The following NALF1 variants were observed in gnomAD, a reference collection of about 807,000 sequenced individuals.
NALF1 encodes NALCN channel auxiliary factor 1.
NALF1 carries 3 observed loss-of-function variants against 48.4 expected under a neutral mutation model. That is an observed-to-expected ratio of 0.06 (90% CI 0.03 to 0.16). The LOEUF is 0.16. NALF1 is among the 10% of genes least tolerant of loss of function. NALF1 has a pLI of 1.00. For missense variants in NALF1, 526 were observed against 571.5 expected, an observed-to-expected ratio of 0.92 and a Z score of 0.81; for synonymous variants, 262 against 245.7, an observed-to-expected ratio of 1.07 and a Z score of -0.62.
At chr13:107,353,595 A>T (rs911478416) in intron 1 of NALF1, among the ~76,000 whole-genome samples, 36 of 152,354 alleles carry the variant, frequency 2.4e-4, no homozygotes, top group Middle Eastern at 6.8e-3. Flanking sequence ...AGAATTCAGA[A>T]GTTCATACTA....
chr13:107,235,531 C>T (rs147933427), intron 1 of NALF1, among the ~76,000 whole-genome samples: 1 of 152,282 alleles, frequency 6.6e-6, no homozygotes, highest in East Asian at 1.9e-4. Flanking sequence ...TACTTTAAAT[C>T]ACCTCTGAAT....
At chr13:107,861,044 G>C (rs1040984051) in intron 1 of NALF1, among the ~76,000 whole-genome samples, 2 of 152,134 alleles carry the variant, frequency 1.3e-5, no homozygotes, top group Non-Finnish European at 2.9e-5. Flanking sequence ...CATGGTCTGT[G>C]AGAAAACAAA....
intron 1 of NALF1, among the ~76,000 whole-genome samples, chr13:107,276,090 C>G (rs535815747): frequency 6.6e-6 from 1 of 152,242 alleles, no homozygotes; most frequent in Non-Finnish European, 1.5e-5. Context: ...CTGTTACTCT[C>G]CTAAGCTCAC....
chr13:107,828,259 A>G (rs1879581512), intron 1 of NALF1, among the ~76,000 whole-genome samples: 1 of 152,114 alleles, frequency 6.6e-6, no homozygotes, highest in Admixed American at 6.6e-5. Context: ...AATTTTTGTT[A>G]TTGTTATCTG....
At chr13:107,520,130 C>A (rs1876188816) in intron 1 of NALF1, among the ~76,000 whole-genome samples, 1 of 152,074 alleles carries the variant, frequency 6.6e-6, no homozygotes, top group Non-Finnish European at 1.5e-5. Context: ...TTCATTTGTA[C>A]TAGCTCAAGT....
chr13:107,229,681 A>G (rs764212671), intron 1 of NALF1, among the ~76,000 whole-genome samples: 5 of 152,136 alleles, frequency 3.3e-5, no homozygotes, highest in African/African-American at 4.8e-5. Flanking sequence ...TGTTAAATCA[A>G]TTCCCCTCTC....
intron 1 of NALF1, among the ~76,000 whole-genome samples, chr13:107,775,132 C>T (rs1263725148): frequency 1.3e-5 from 2 of 151,948 alleles, no homozygotes; most frequent in Non-Finnish European, 2.9e-5. Flanking sequence ...GTATAAATGT[C>T]CCATGCTGGT....
chr13:107,628,279 C>A (rs899762607), intron 1 of NALF1, among the ~76,000 whole-genome samples: 1 of 152,084 alleles, frequency 6.6e-6, no homozygotes, highest in Non-Finnish European at 1.5e-5. Context: ...ATGGCACTTC[C>A]GACTGCCTCA....
intron 1 of NALF1, among the ~76,000 whole-genome samples, chr13:107,709,899 G>A (rs924252099): frequency 5.9e-5 from 9 of 152,106 alleles, no homozygotes; most frequent in Non-Finnish European, 1.2e-4. Flanking sequence ...CTCAAATATA[G>A]AATATTTCTA....
intron 1 of NALF1, among the ~76,000 whole-genome samples, chr13:107,227,161 G>A (rs1206358990): frequency 6.6e-6 from 1 of 152,146 alleles, no homozygotes; most frequent in Non-Finnish European, 1.5e-5. Flanking sequence ...TCTAAAACCT[G>A]CCATTCTGTT....
chr13:107,417,472 A>G (rs9514680), intron 1 of NALF1, among the ~76,000 whole-genome samples: 33,083 of 152,164 alleles, frequency 0.22, 4,085 homozygotes, highest in Middle Eastern at 0.28. Flanking sequence ...ACATTTCATT[A>G]TATCAAAATT....
chr13:107,201,275 G>A (rs1290061991), intron 2 of NALF1, among the ~76,000 whole-genome samples: 1 of 152,160 alleles, frequency 6.6e-6, no homozygotes, highest in African/African-American at 2.4e-5. Context: ...GAGATCAGAA[G>A]GAAGTTTCTC....
chr13:107,270,519 G>A (rs1199178104), intron 1 of NALF1, among the ~76,000 whole-genome samples: 1 of 151,964 alleles, frequency 6.6e-6, no homozygotes, highest in African/African-American at 2.4e-5. Context: ...GATGTTAGGT[G>A]TGATTTTCAG....
chr13:107,607,598 A>G lies in NALF1; in HGVS notation c.915+258084T>C, dbSNP rs1879107254. On this transcript the variant is annotated intron_variant, in intron 1 of 2. Coordinates refer to ENST00000375915, the MANE Select transcript of NALF1 (RefSeq NM_001080396.3). Reference sequence around the variant, plus strand: ...GAGGGTTATTATTTCTTTGGCTTAAAGACACCCACTTAGGAAGCCCTCACT... The same window carrying G: ...GAGGGTTATTATTTCTTTGGCTTAAGGACACCCACTTAGGAAGCCCTCACT... 3.9e-5 allele frequency among the ~76,000 whole-genome samples: 6 copies of G among 152,280 alleles called. No homozygotes were observed. The South Asian group carries it at 1.2e-3, about 32-fold the overall frequency.
intron 1 of NALF1, among the ~76,000 whole-genome samples, chr13:107,460,470 ATG>A (rs1425238916): frequency 1.3e-5 from 2 of 152,212 alleles, no homozygotes; most frequent in African/African-American, 4.8e-5. Flanking sequence ...CTCAGTCCCA[ATG>A]TGCTGACTTC....
intron 1 of NALF1, among the ~76,000 whole-genome samples, chr13:107,682,077 T>A (rs548779905): frequency 6.6e-6 from 1 of 152,220 alleles, no homozygotes; most frequent in Non-Finnish European, 1.5e-5. Flanking sequence ...TAAAACACAA[T>A]TGCTGGACAA....
At chr13:107,609,131 G>A (rs1879154713) in intron 1 of NALF1, among the ~76,000 whole-genome samples, 1 of 152,192 alleles carries the variant, frequency 6.6e-6, no homozygotes, top group African/African-American at 2.4e-5. Flanking sequence ...CTCCCTCCCT[G>A]GCCACCTCTA....
rs770738973 is a variant in NALF1 at position 107,866,352 on chromosome 13, T to C, written c.245A>G (p.Gln82Arg). The change falls in exon 1 of 3, where the codon CAG (glutamine) becomes CGG (arginine). Residue 82 changes from glutamine to arginine, a missense_variant. This residue lies in a region of NALF1 where 373 missense variants were observed against 355.5 expected (regional missense o/e 1.05). Transcript: ENST00000375915. This position sits in a 1 kb window ranked among gnomAD's most constrained non-coding sequence, Gnocchi z 4.4. ...HQQQQRQQQQQQQQQRQRQQQ... is the reference protein window; with the variant it reads ...HQQQQRQQQQRQQQQRQRQQQ... ...CTGCCGCTGCCTCTGCTGCTGCTGC[T>C]GCTGCTGCTGCTGCCGCTGCTGCTG... is the stretch of plus-strand genomic sequence containing the variant. 6 of 1,610,764 alleles carry C rather than the reference T, an allele frequency of 3.7e-6. No individual in the cohort carries two copies. The highest frequency in any genetic ancestry group is 1.7e-5 in the Admixed American group (1 of 59,910).
At chr13:107,237,968 T>C (rs1387427490) in intron 1 of NALF1, among the ~76,000 whole-genome samples, 2 of 152,144 alleles carry the variant, frequency 1.3e-5, no homozygotes, top group African/African-American at 4.8e-5. Context: ...CACTAGAAGA[T>C]AGAGTGTATG....
Sources: gnomAD v4.1 joint callset for allele counts (sites outside exome capture counted in the v4.1 genomes callset) on GRCh38, gnomAD v4.1.1 for gene constraint, gnomAD v4.1.1 regional missense constraint, Gnocchi (gnomAD v3.1) non-coding constraint, MANE v1.5 for transcripts, NCBI Gene and HGNC (gene_info 2026-07-23, HGNC 2026-07-21) for gene names.